Variants in TDRD12 observed in about 807,000 individuals in gnomAD.
The protein encoded by TDRD12 is tudor domain containing 12.
TDRD12 carries 158 observed loss-of-function variants against 133.5 expected under a neutral mutation model. The observed-to-expected ratio is 1.18, with a 90% CI of 1.04 to 1.35. The LOEUF (loss-of-function observed/expected upper bound fraction) is 1.35. Ranked by LOEUF, TDRD12 falls within the 40% of genes most tolerant of loss-of-function variation. TDRD12 has a pLI of 0.00. For synonymous variants in TDRD12, 460 were observed against 477.9 expected, an observed-to-expected ratio of 0.96 and a Z score of 0.49; for missense variants, 1,443 against 1,321.3, an observed-to-expected ratio of 1.09 and a Z score of -1.43.
intron 2 of TDRD12, among the ~76,000 whole-genome samples, chr19:32,734,379 T>G (rs982503833): frequency 4.0e-5 from 6 of 151,758 alleles, no homozygotes; most frequent in East Asian, 3.9e-4. Context: ...CTTTTCTTTT[T>G]TTTTTTTGAA....
At chr19:32,772,237 G>T (rs899501780) in intron 8 of TDRD12, among the ~76,000 whole-genome samples, 3 of 152,182 alleles carry the variant, frequency 2.0e-5, no homozygotes, top group African/African-American at 4.8e-5. Context: ...TTTCCATGTG[G>T]CTGCTTCCCC....
At chr19:32,817,821 C>T (rs1967233328) in intron 26 of TDRD12, among the ~76,000 whole-genome samples, 1 of 150,646 alleles carries the variant, frequency 6.6e-6, no homozygotes, top group South Asian at 2.1e-4. Flanking sequence ...CCTCTGTGCG[C>T]TTGTGCAATT....
intron 6 of TDRD12, among the ~76,000 whole-genome samples, chr19:32,755,652 T>C (rs886658871): frequency 3.9e-5 from 6 of 152,250 alleles, no homozygotes; most frequent in African/African-American, 1.4e-4. Context: ...AATTTAAAAT[T>C]TTGAGCAAAT....
chr19:32,777,277 T>C (rs1970610371), intron 11 of TDRD12, 48 bp downstream of exon 11: 1 of 1,131,138 alleles, frequency 8.8e-7, no homozygotes, highest in South Asian at 1.6e-5. Context: ...ATAATTATAA[T>C]AAAATTATAA....
intron 8 of TDRD12, among the ~76,000 whole-genome samples, chr19:32,762,981 T>C (rs538148162): frequency 6.6e-6 from 1 of 152,308 alleles, no homozygotes; most frequent in African/African-American, 2.4e-5. Flanking sequence ...TGTAACACAA[T>C]GGTAACTATT....
Position 32,800,206 on chromosome 19 carries a change from GT to G in TDRD12, c.1800del (p.Glu601LysfsTer21), listed in dbSNP as rs1185456713. The G allele has an allele frequency of 6.6e-7, 1 of 1,522,734 alleles. No homozygotes were observed. The highest frequency in any genetic ancestry group is 1.2e-5 in the South Asian group (1 of 80,616). The allele number at this position is 1,522,734 out of a possible 1,614,324, so 94.3% of individuals were successfully genotyped here. A position where few individuals can be genotyped will look rare whatever the true frequency, so the allele number is the denominator to read the frequency against. Reference sequence around the variant, plus strand: ...AGATAACTTTAAAAAAAATATTGAAGTTGAAGAAAGGGAATCTGCACCACAT... The same window carrying G: ...AGATAACTTTAAAAAAAATATTGAAGTGAAGAAAGGGAATCTGCACCACAT... On this transcript the variant is annotated frameshift_variant, in exon 17 of 28. Transcript: ENST00000444215. LOFTEE classifies it high-confidence loss of function.
At chr19:32,720,154 A>T (rs1283665313) in intron 1 of TDRD12, 58 bp downstream of exon 1, 1 of 1,039,478 alleles carries the variant, frequency 9.6e-7, no homozygotes, top group Non-Finnish European at 1.2e-6. Context: ...CCCCCACCCC[A>T]GCCGCGCACA....
At chr19:32,762,886 A>C (rs1970191199) in intron 8 of TDRD12, among the ~76,000 whole-genome samples, 1 of 152,242 alleles carries the variant, frequency 6.6e-6, no homozygotes, top group African/African-American at 2.4e-5. Flanking sequence ...GCAGCCTACT[A>C]CACATATAGG....
intron 6 of TDRD12, among the ~76,000 whole-genome samples, chr19:32,755,776 C>G (rs939994648): frequency 1.3e-5 from 2 of 152,224 alleles, no homozygotes; most frequent in African/African-American, 4.8e-5. Context: ...GAAGACATCT[C>G]ATGTGTTTCA....
intron 1 of TDRD12, among the ~76,000 whole-genome samples, chr19:32,728,396 G>A (rs1035004240): frequency 2.0e-5 from 3 of 151,946 alleles, no homozygotes; most frequent in Non-Finnish European, 4.4e-5. Context: ...AATGAATGTG[G>A]GATGTCTTTC....
At chr19:32,757,227 ATTCT>A (rs1226793260) in intron 8 of TDRD12, 97 bp downstream of exon 8, 3 of 972,732 alleles carry the variant, frequency 3.1e-6, no homozygotes, top group African/African-American at 3.3e-5. Flanking sequence ...GGCCATGGTA[ATTCT>A]TTCTCTTTTC....
At chr19:32,744,522 A>AAAAAAAAG (rs1969539333) in intron 4 of TDRD12, among the ~76,000 whole-genome samples, 2 of 150,272 alleles carry the variant, frequency 1.3e-5, no homozygotes, top group Non-Finnish European at 3.0e-5. Flanking sequence ...AAAAAAAAAA[A>AAAAAAAAG]AACAAAAGAA....
chr19:32,810,576 A>C (rs1291446881), intron 23 of TDRD12, among the ~76,000 whole-genome samples: 3 of 152,242 alleles, frequency 2.0e-5, no homozygotes, highest in Non-Finnish European at 4.4e-5. Context: ...TCTACAGATA[A>C]GAAAACAGCC....
At chr19:32,818,917 T>G (rs1325353912) in intron 27 of TDRD12, among the ~76,000 whole-genome samples, 1 of 152,056 alleles carries the variant, frequency 6.6e-6, no homozygotes, top group Non-Finnish European at 1.5e-5. Flanking sequence ...AGTGACTTGC[T>G]GGGTTAGTGG....
intron 21 of TDRD12, 27 bp from the exon 22 acceptor site, chr19:32,807,522 T>C: frequency 2.8e-6 from 4 of 1,422,192 alleles, no homozygotes; most frequent in South Asian, 1.3e-5. Context: ...TACTTACTTA[T>C]GATAAGTCTA....
At chr19:32,817,652 C>A (rs1480437586) in intron 26 of TDRD12, among the ~76,000 whole-genome samples, 1 of 151,624 alleles carries the variant, frequency 6.6e-6, no homozygotes, top group Non-Finnish European at 1.5e-5. Flanking sequence ...CTGTGGGAAT[C>A]CTGTGTATGA....
chr19:32,783,145 G>A lies in TDRD12; in HGVS notation c.1121+5916G>A, dbSNP rs182893165. On this transcript the variant is annotated intron_variant, in intron 11 of 27. Transcript: ENST00000444215. ...CATCTTGAGTCTATTTTTGTGTAAG[G>A]TGTAAGGAAGGGGTCCAGTTTCAGT... Among the ~76,000 whole-genome samples the A allele has an allele frequency of 7.3e-3, 1,112 of 152,240 alleles. 10 individuals carry two copies. The highest frequency in any genetic ancestry group is 0.012 in the Non-Finnish European group (815 of 68,008).
chr19:32,746,657 A>T (rs1969644012), intron 4 of TDRD12, among the ~76,000 whole-genome samples: 1 of 132,706 alleles, frequency 7.5e-6, no homozygotes, highest in Non-Finnish European at 1.6e-5. Flanking sequence ...TCTGTGTGTG[A>T]CAGAGGGGGA....
At chr19:32,791,067 A>C (rs1262214911) in exon 13 of TDRD12, 1 of 1,530,134 alleles carries the variant, frequency 6.5e-7, no homozygotes. Flanking sequence ...GACCTGAAGA[A>C]GGTAAAAGTG....
Sources: gnomAD v4.1 joint callset for allele counts (sites outside exome capture counted in the v4.1 genomes callset) on GRCh38, gnomAD v4.1.1 for gene constraint, MANE v1.5 for transcripts, NCBI Gene and HGNC (gene_info 2026-07-23, HGNC 2026-07-21) for gene names.